Variants in WWOX observed in about 807,000 individuals in gnomAD.
The protein encoded by WWOX is WW domain-containing oxidoreductase.
WWOX carries 69 observed loss-of-function variants against 46.2 expected under a neutral mutation model. The ratio of observed to expected loss-of-function variants is 1.49; its 90% CI spans 1.23 to 1.82. The LOEUF (loss-of-function observed/expected upper bound fraction) is 1.82. Ranked by LOEUF, WWOX falls within the 40% of genes most tolerant of loss-of-function variation. WWOX has a pLI of 0.00. For missense variants in WWOX, 919 were observed against 542.6 expected, an observed-to-expected ratio of 1.69 and a Z score of -6.89; for synonymous variants, 359 against 202.6, an observed-to-expected ratio of 1.77 and a Z score of -6.56.
rs1304203760 is a variant in WWOX, at chr16:78,099,840, G to A, written c.62G>A (p.Gly21Asp). 5 of 1,582,096 alleles carry A rather than the reference G, an allele frequency of 3.2e-6. No homozygotes were observed. The highest frequency in any genetic ancestry group is 1.2e-5 in the South Asian group (1 of 86,084). Residue 21 changes from glycine to aspartate, a missense_variant, in exon 1 of 9, where the codon GGC (glycine) becomes GAC (aspartate). Transcript: ENST00000566780. The stretch of plus-strand genomic sequence containing the variant: ...GACAGTGAGGACGAGCTGCCTCCGG[G>A]CTGGGAGGAGAGAACCACCAAGGAC... ...DTDSEDELPP[G>D]WEERTTKDGW... is the part of the protein sequence containing the mutation.
chr16:78,511,470 G>T (rs902287699), intron 8 of WWOX, among the ~76,000 whole-genome samples: 1 of 152,248 alleles, frequency 6.6e-6, no homozygotes, highest in Non-Finnish European at 1.5e-5. Flanking sequence ...GTGAAGGTCA[G>T]TAGTACTTCA....
intron 8 of WWOX, among the ~76,000 whole-genome samples, chr16:78,839,866 C>T (rs139300030): frequency 5.9e-5 from 9 of 152,176 alleles, no homozygotes; most frequent in African/African-American, 1.9e-4. Context: ...TTTCCAGTGA[C>T]CTCCCAACCC....
chr16:78,779,401 C>T (rs141702225), intron 8 of WWOX, among the ~76,000 whole-genome samples: 68 of 152,244 alleles, frequency 4.5e-4, no homozygotes, highest in African/African-American at 1.6e-3. Flanking sequence ...TCCACCTCAG[C>T]TTGACATTAC....
chr16:78,424,688 G>A (rs1476304495), intron 6 of WWOX, among the ~76,000 whole-genome samples, 182 bp from the exon 7 acceptor site: 8 of 152,094 alleles, frequency 5.3e-5, no homozygotes, highest in African/African-American at 1.7e-4. Context: ...ACATTCTAGG[G>A]TATCCTATTT....
chr16:78,449,237 A>C (rs183686252), intron 8 of WWOX, among the ~76,000 whole-genome samples: 12 of 152,326 alleles, frequency 7.9e-5, no homozygotes, highest in African/African-American at 2.9e-4. Flanking sequence ...CGAAGCATGT[A>C]AGCCAAGAAG....
rs1458211806 is a variant in WWOX at position 78,449,342 on chromosome 16, GA to G, written c.1056+16592del. On this transcript the variant is annotated intron_variant, in intron 8 of 8. Coordinates refer to ENST00000566780, the MANE Select transcript of WWOX (RefSeq NM_016373.4). ...TGCTTTTGCCATATTCTTTTTGTTA[GA>G]AGGAAATCACTGAGTCTGATCGTTG... 2.4e-4 allele frequency among the ~76,000 whole-genome samples: 37 copies of G among 152,172 alleles called. 1 individual carries two copies. The highest frequency in any genetic ancestry group is 5.9e-5 in the Non-Finnish European group (4 of 68,042).
At position 79,091,419 on chromosome 16, in the gene WWOX, A is replaced by G. The variant is rs146928952; in HGVS notation, c.1057-120189A>G. Among the ~76,000 whole-genome samples, 439 of 152,242 alleles carry G rather than the reference A, an allele frequency of 2.9e-3. 1 individual carries two copies. Among genetic ancestry groups the G allele is most frequent in the Non-Finnish European group, 4.3e-3 (295 of 68,012 alleles). On this transcript the variant is annotated intron_variant, in intron 8 of 8. Coordinates refer to ENST00000566780, the MANE Select transcript of WWOX (RefSeq NM_016373.4). The stretch of plus-strand genomic sequence containing the variant: ...ATTTGAAGGCTGCCAGGCAGTAGCA[A>G]CATATACCAGCTTCCCCACTGGGTG...
chr16:79,193,838 A>G (rs2051186269), intron 8 of WWOX, among the ~76,000 whole-genome samples: 1 of 152,160 alleles, frequency 6.6e-6, no homozygotes, highest in South Asian at 2.1e-4. Flanking sequence ...ATTGTGGTTT[A>G]ACGAGTTCAG....
At chr16:79,159,174 A>G (rs2050437828) in intron 8 of WWOX, among the ~76,000 whole-genome samples, 2 of 152,226 alleles carry the variant, frequency 1.3e-5, no homozygotes, top group Non-Finnish European at 2.9e-5. Context: ...TAACAAGAGA[A>G]TATAAAAGTT....
chr16:78,687,559 T>C (rs576989101), intron 8 of WWOX, among the ~76,000 whole-genome samples: 2 of 151,852 alleles, frequency 1.3e-5, no homozygotes, highest in Admixed American at 6.6e-5. Flanking sequence ...CGCAGACATA[T>C]ACTTTATGAG....
rs138711359 is a variant in WWOX, at chr16:78,782,613, C to T, written c.1056+349861C>T. 4.5e-4 allele frequency among the ~76,000 whole-genome samples: 69 copies of T among 152,056 alleles called. No individual in the cohort carries two copies. In the East Asian group the frequency reaches 0.011, roughly 23 times the overall value. On this transcript the variant is annotated intron_variant, in intron 8 of 8. Coordinates refer to ENST00000566780, the MANE Select transcript of WWOX (RefSeq NM_016373.4). ...TCCATCTTTATTCTCCTCCCAAATG[C>T]AGGCTCCATTAACCTTTTACCTTTC...
chr16:79,026,784 A>ATT (rs11373534), intron 8 of WWOX, among the ~76,000 whole-genome samples: 16,798 of 123,158 alleles, frequency 0.14, 1,364 homozygotes, highest in East Asian at 0.2. Flanking sequence ...CGCCCGGCTA[A>ATT]TTTTTTTTTT....
rs144852950 is a variant in WWOX, at chr16:78,882,778, C to G, written c.1057-328830C>G. 4.8e-4 allele frequency among the ~76,000 whole-genome samples: 73 copies of G among 151,806 alleles called. 4 individuals carry two copies. In the East Asian group the frequency reaches 0.014, roughly 29 times the overall value. On this transcript the variant is annotated intron_variant, in intron 8 of 8. Transcript: ENST00000566780. ...TTCTGGGATTACAGGCATGAGCCAC[C>G]GCACCCGGTTATACATCTTAAATAT... is the stretch of plus-strand genomic sequence containing the variant.
In WWOX at chr16:78,383,724, A is replaced by G. The variant is rs534109076; in HGVS notation, c.517-3136A>G. ...ATTTTCCATCCCCTGGACTTACTGT[A>G]TTGCCTCCAGTTTCTCTCCATTTCT... On this transcript the variant is annotated intron_variant, in intron 5 of 8. Coordinates refer to ENST00000566780, the MANE Select transcript of WWOX (RefSeq NM_016373.4). 1.1e-4 allele frequency among the ~76,000 whole-genome samples: 16 copies of G among 152,272 alleles called. No homozygotes were observed. In the South Asian group the frequency reaches 3.1e-3, roughly 30 times the overall value.
At chr16:78,472,008 G>A (rs1306349629) in intron 8 of WWOX, among the ~76,000 whole-genome samples, 1 of 152,008 alleles carries the variant, frequency 6.6e-6, no homozygotes, top group Non-Finnish European at 1.5e-5. Flanking sequence ...ACTTTATTCA[G>A]CGAAGACATT....
chr16:78,896,395 C>T lies in WWOX; in HGVS notation c.1057-315213C>T, dbSNP rs558374166. ...GGGACCACTGATGGTAATAACAAAACCTGGGGCCCTGAATCGTGTATTCTA... is the reference window on the plus strand; with the variant it reads ...GGGACCACTGATGGTAATAACAAAATCTGGGGCCCTGAATCGTGTATTCTA... On this transcript the variant is annotated intron_variant, in intron 8 of 8. Transcript: ENST00000566780. The T allele has an allele frequency of 2.6e-5, 4 of 152,154 alleles. No homozygotes were observed. The South Asian group carries it at 8.3e-4, about 32-fold the overall frequency. 9.4% of individuals were successfully genotyped at this position (152,154 alleles called of 1,614,324 possible).
chr16:78,105,663 T>G (rs1473301543), intron 1 of WWOX, among the ~76,000 whole-genome samples: 2 of 152,188 alleles, frequency 1.3e-5, no homozygotes, highest in African/African-American at 4.8e-5. Context: ...TGTTTACATT[T>G]GTGCGCCTGC....
intron 6 of WWOX, among the ~76,000 whole-genome samples, chr16:78,420,334 T>G (rs983436859): frequency 1.3e-5 from 2 of 152,200 alleles, no homozygotes; most frequent in African/African-American, 4.8e-5. Flanking sequence ...ATAGTAGTGA[T>G]ATTCCTAATA....
At chr16:78,918,595 G>A (rs1422022196) in intron 8 of WWOX, among the ~76,000 whole-genome samples, 1 of 152,038 alleles carries the variant, frequency 6.6e-6, no homozygotes, top group Non-Finnish European at 1.5e-5. Flanking sequence ...TTACTATTTT[G>A]TGTATTCCTG....
Sources: allele counts gnomAD v4.1 joint callset (sites outside exome capture counted in the v4.1 genomes callset), GRCh38; gene constraint gnomAD v4.1.1; transcripts MANE v1.5; gene names NCBI Gene and HGNC (gene_info 2026-07-23, HGNC 2026-07-21).